The following MRPS35 variants were observed in gnomAD, a reference collection of about 807,000 sequenced individuals.
MRPS35 encodes the protein mitochondrial ribosomal protein S35, also known as small ribosomal subunit protein mS35.
A neutral mutation model predicts 32.7 loss-of-function variants in MRPS35; 29 were observed. The observed-to-expected ratio is 0.89, with a 90% CI of 0.66 to 1.21. MRPS35 has a LOEUF of 1.21. MRPS35 is among the 50% of genes most tolerant of loss of function. The pLI, the probability that MRPS35 is intolerant of heterozygous loss-of-function variation, is 0.00. For missense variants in MRPS35, 373 were observed against 383.8 expected (o/e 0.97, Z 0.23); for synonymous variants, 148 against 139.3 (o/e 1.06, Z -0.44).
chr12:27,743,187 AAG>A (rs1354385260), intron 7 of MRPS35, among the ~76,000 whole-genome samples: 1 of 151,980 alleles, frequency 6.6e-6, no homozygotes, highest in African/African-American at 2.4e-5. Flanking sequence ...CTGTTCGTGA[AAG>A]AGTAAACCAT....
At chr12:27,716,139 C>T in intron 2 of MRPS35, 152 bp from the exon 3 acceptor site, 1 of 610,666 alleles carries the variant, frequency 1.6e-6, no homozygotes, top group Non-Finnish European at 2.6e-6. Context: ...AAAATTTGGA[C>T]AGCAGCAGCA....
intron 4 of MRPS35, 106 bp from the exon 5 acceptor site, chr12:27,723,941 A>G: frequency 3.7e-6 from 4 of 1,091,950 alleles, no homozygotes; most frequent in Non-Finnish European, 5.2e-6. Context: ...CTGTTCTTTC[A>G]TGTAACTTGG....
chr12:27,744,313 G>C (rs531128961), intron 7 of MRPS35, among the ~76,000 whole-genome samples: 1 of 152,108 alleles, frequency 6.6e-6, no homozygotes, highest in Non-Finnish European at 1.5e-5. Flanking sequence ...AGCTATTGAG[G>C]CTGGGCGCGG....
At position 27,710,904 on chromosome 12, in the gene MRPS35, G is replaced by A; in HGVS notation, c.61G>A (p.Ala21Thr). 1 of 1,613,022 alleles carries A rather than the reference G, an allele frequency of 6.2e-7. No individual in the cohort carries two copies. The highest frequency in any genetic ancestry group is 8.5e-7 in the Non-Finnish European group (1 of 1,179,914). ...SLQSRARTLR[A>T]FSTAVYSATP... ...GCAGTCGAGGGCAAGGACTCTGCGT[G>A]CATTCTCCACTGCCGTCTACTCGGC... The change falls in exon 1 of 8, where the codon GCA becomes ACA. Residue 21 changes from alanine (A) to threonine (T), a missense_variant. By Grantham distance (58) the Ala-to-Thr change is moderately conservative (BLOSUM62 0). Transcript: ENST00000081029.
At chr12:27,728,642 C>T (rs532414652) in intron 5 of MRPS35, among the ~76,000 whole-genome samples, 3 of 152,172 alleles carry the variant, frequency 2.0e-5, no homozygotes, top group Admixed American at 6.5e-5. Context: ...ACCAGAATCC[C>T]GCCAAAGACC....
At chr12:27,711,879 A>C (rs376924426) in intron 1 of MRPS35, among the ~76,000 whole-genome samples, 1 of 51,384 alleles carries the variant, frequency 1.9e-5, no homozygotes, top group Non-Finnish European at 4.6e-5. Context: ...GTCTATTTTT[A>C]AATTTTCATT....
At chr12:27,739,123 C>T (rs1394378748) in intron 7 of MRPS35, among the ~76,000 whole-genome samples, 1 of 152,186 alleles carries the variant, frequency 6.6e-6, no homozygotes, top group Non-Finnish European at 1.5e-5. Context: ...GTCTCGAACT[C>T]CTAACCTCAG....
At chr12:27,721,781 T>C (rs917854011) in intron 4 of MRPS35, among the ~76,000 whole-genome samples, 3 of 152,208 alleles carry the variant, frequency 2.0e-5, no homozygotes, top group Non-Finnish European at 2.9e-5. Context: ...AATTCCATGT[T>C]TCTTCTTTTT....
intron 1 of MRPS35, among the ~76,000 whole-genome samples, chr12:27,712,646 C>T (rs1299465738): frequency 2.6e-5 from 4 of 152,188 alleles, no homozygotes; most frequent in Non-Finnish European, 5.9e-5. Flanking sequence ...AATCCTGTTA[C>T]ATTTTTGTTC....
intron 7 of MRPS35, among the ~76,000 whole-genome samples, chr12:27,749,269 TA>T (rs1262043052): frequency 6.6e-6 from 1 of 152,080 alleles, no homozygotes; most frequent in Non-Finnish European, 1.5e-5. Flanking sequence ...CTCCTATTTT[TA>T]ATATGACACT....
At chr12:27,732,270 A>G (rs1021324524) in intron 5 of MRPS35, among the ~76,000 whole-genome samples, 6 of 152,178 alleles carry the variant, frequency 3.9e-5, no homozygotes, top group African/African-American at 4.8e-5. Flanking sequence ...TTGACATCCA[A>G]TGTCCCTACT....
intron 7 of MRPS35, 83 bp downstream of exon 7, chr12:27,737,691 C>A: frequency 9.2e-7 from 1 of 1,089,418 alleles, no homozygotes; most frequent in Non-Finnish European, 1.4e-6. Flanking sequence ...GTGGCAAGTA[C>A]TCAACTGAGT....
chr12:27,715,014 G>A (rs1200399565), intron 2 of MRPS35, among the ~76,000 whole-genome samples, 194 bp downstream of exon 2: 1 of 152,194 alleles, frequency 6.6e-6, no homozygotes, highest in Non-Finnish European at 1.5e-5. Context: ...TCTTTGAGAG[G>A]TTGACTTACT....
chr12:27,744,965 A>G (rs1224826711), intron 7 of MRPS35, among the ~76,000 whole-genome samples: 1 of 152,102 alleles, frequency 6.6e-6, no homozygotes, highest in Non-Finnish European at 1.5e-5. Context: ...CTCCCCCACA[A>G]CACACAGTGA....
At chr12:27,729,020 TC>T (rs1378920651) in intron 5 of MRPS35, among the ~76,000 whole-genome samples, 1 of 152,142 alleles carries the variant, frequency 6.6e-6, no homozygotes, top group African/African-American at 2.4e-5. Context: ...ACCTAATCAT[TC>T]CTTTGTGAAG....
chr12:27,743,099 G>T (rs951808658), intron 7 of MRPS35, among the ~76,000 whole-genome samples: 1 of 151,834 alleles, frequency 6.6e-6, no homozygotes, highest in African/African-American at 2.4e-5. Flanking sequence ...GGGCTCAGGT[G>T]ATCCTCCTGC....
At chr12:27,718,092 C>T (rs1009522840) in intron 3 of MRPS35, among the ~76,000 whole-genome samples, 7 of 152,138 alleles carry the variant, frequency 4.6e-5, no homozygotes, top group African/African-American at 1.7e-4. Flanking sequence ...TGCCCATCCC[C>T]AAATCCCAGT....
At chr12:27,724,340 G>A (rs1301700699) in intron 5 of MRPS35, among the ~76,000 whole-genome samples, 154 bp downstream of exon 5, 6 of 151,542 alleles carry the variant, frequency 4.0e-5, no homozygotes, top group African/African-American at 1.2e-4. Flanking sequence ...GGAATTTGAC[G>A]CCAGCCTGGG....
intron 1 of MRPS35, among the ~76,000 whole-genome samples, chr12:27,713,207 G>A (rs1383396257): frequency 2.6e-5 from 4 of 152,118 alleles, no homozygotes; most frequent in African/African-American, 7.2e-5. Context: ...TCATGGCTAC[G>A]TCCTGCTCAT....
Sources: allele counts gnomAD v4.1 joint callset (sites outside exome capture counted in the v4.1 genomes callset), GRCh38; gene constraint gnomAD v4.1.1; transcripts MANE v1.5; gene names NCBI Gene and HGNC (gene_info 2026-07-23, HGNC 2026-07-21).